TCTN2: variants seen among roughly 807,000 people sequenced by gnomAD.
The protein encoded by TCTN2 is tectonic-2.
In TCTN2, 66 loss-of-function variants were observed where a neutral mutation model predicts 83.4. That is an observed-to-expected ratio of 0.79 (90% CI 0.65 to 0.97). The LOEUF is 0.97. TCTN2 is among the 50% of genes least tolerant of loss of function. The pLI is 0.00. For missense variants in TCTN2, 794 were observed against 858.1 expected (o/e 0.93, Z 0.93); for synonymous variants, 301 against 326.7 (o/e 0.92, Z 0.85).
intron 9 of TCTN2, among the ~76,000 whole-genome samples, chr12:123,694,425 C>T (rs1250731786): frequency 1.3e-5 from 2 of 152,238 alleles, no homozygotes; most frequent in Non-Finnish European, 2.9e-5. Flanking sequence ...TGTTGTACTT[C>T]TCAAATTTAT....
At position 123,692,658 on chromosome 12, in the gene TCTN2, G is replaced by A. The variant is rs1343691538; in HGVS notation, c.1034G>A (p.Gly345Asp). 2 of 1,611,202 alleles carry A rather than the reference G, an allele frequency of 1.2e-6. No homozygotes were observed. The highest frequency in any genetic ancestry group is 1.7e-6 in the Non-Finnish European group (2 of 1,177,500). Residue 345 changes from glycine to aspartate, a missense_variant and splice_region_variant, in exon 9 of 18, where the codon GGC (glycine) becomes GAC (aspartate). Transcript: ENST00000303372. Reference sequence around the variant, plus strand: ...AAGTTAATTTATGTTATCTCTTTAGGCATAGTTACACCAAAAGTGATCTAT... The same window carrying A: ...AAGTTAATTTATGTTATCTCTTTAGACATAGTTACACCAAAAGTGATCTAT... ...NAKIKNVALG[G>D]IVTPKVIYEE...
At chr12:123,679,570 C>T (rs1272942777) in intron 5 of TCTN2, among the ~76,000 whole-genome samples, 1 of 151,704 alleles carries the variant, frequency 6.6e-6, no homozygotes, top group Non-Finnish European at 1.5e-5. Context: ...TGCCATGTTG[C>T]TCAGGCTGGT....
intron 4 of TCTN2, among the ~76,000 whole-genome samples, chr12:123,676,896 G>A (rs1160637436): frequency 1.3e-5 from 2 of 152,106 alleles, no homozygotes; most frequent in African/African-American, 4.8e-5. Context: ...CGTGGCTGGG[G>A]GTGGTGGCTC....
At chr12:123,687,956 T>TC (rs1381397379) in intron 6 of TCTN2, 95 bp from the exon 7 acceptor site, 34 of 1,516,368 alleles carry the variant, frequency 2.2e-5, no homozygotes, top group Non-Finnish European at 2.8e-5. Context: ...AGAGTGAGAC[T>TC]CCATCTCAGA....
intron 2 of TCTN2, among the ~76,000 whole-genome samples, 162 bp from the exon 3 acceptor site, chr12:123,671,894 G>A (rs932468706): frequency 2.6e-5 from 4 of 152,142 alleles, no homozygotes; most frequent in Admixed American, 6.5e-5. Flanking sequence ...TTTGACCAAG[G>A]AAGAAACAAG....
At chr12:123,704,831 G>T in intron 15 of TCTN2, 143 bp downstream of exon 15, 4 of 866,582 alleles carry the variant, frequency 4.6e-6, no homozygotes, top group Non-Finnish European at 5.6e-6. Context: ...ATGCACATAT[G>T]GAATATGTAC....
At chr12:123,679,358 C>CT in intron 5 of TCTN2, 69 bp downstream of exon 5, 2 of 1,388,080 alleles carry the variant, frequency 1.4e-6, no homozygotes, top group South Asian at 1.2e-5. Flanking sequence ...CCACCAACAG[C>CT]TTTTTTCATT....
Position 123,707,675 on chromosome 12 carries a change from A to G in TCTN2, c.2056A>G (p.Ser686Gly). The G allele has an allele frequency of 6.2e-7, 1 of 1,614,170 alleles. No homozygotes were observed. The highest frequency in any genetic ancestry group is 8.5e-7 in the Non-Finnish European group (1 of 1,180,018). Residue 686 changes from serine (S) to glycine (G), a missense_variant, in exon 18 of 18, where the codon AGC becomes GGC. Transcript: ENST00000303372. ...LLFLTLALFLSNPWTRICKAY... is the reference protein window; with the variant it reads ...LLFLTLALFLGNPWTRICKAY... ...GTTCCTCACATTGGCCTTGTTCCTCAGCAACCCCTGGACCAGAATATGCAA... is the reference window on the plus strand; with the variant it reads ...GTTCCTCACATTGGCCTTGTTCCTCGGCAACCCCTGGACCAGAATATGCAA...
At chr12:123,671,402 C>T (rs908423030) in intron 1 of TCTN2, 80 bp downstream of exon 1, 17 of 1,584,630 alleles carry the variant, frequency 1.1e-5, no homozygotes, top group East Asian at 4.5e-5. Flanking sequence ...TGGACTCCCC[C>T]GGGAGCTTCG....
At chr12:123,703,023 G>GT (rs1956189747) in intron 14 of TCTN2, among the ~76,000 whole-genome samples, 1 of 151,998 alleles carries the variant, frequency 6.6e-6, no homozygotes, top group Non-Finnish European at 1.5e-5. Context: ...ACCTTGCTGG[G>GT]TTTTCTCCAA....
In TCTN2 at chr12:123,706,754, T is replaced by C. The variant is rs746323956; in HGVS notation, c.1798T>C (p.Cys600Arg). 4 of 1,614,060 alleles carry C rather than the reference T, an allele frequency of 2.5e-6. No homozygotes were observed. The highest frequency in any genetic ancestry group is 3.4e-6 in the Non-Finnish European group (4 of 1,180,044). Residue 600 changes from cysteine to arginine, a missense_variant, in exon 16 of 18, where the codon TGT (cysteine) becomes CGT (arginine). By Grantham distance (180) the Cys-to-Arg change is radical. Coordinates refer to ENST00000303372, the MANE Select transcript of TCTN2 (RefSeq NM_024809.5). Reference protein sequence around the residue: ...RFSSVNWQYQCGLTCEHKADL... With the variant: ...RFSSVNWQYQRGLTCEHKADL... ...CTCCTCAGTGAACTGGCAGTACCAG[T>C]GTGGGCTTACCTGTGAGCACAAGGC...
chr12:123,694,682 T>A (rs1956086188), intron 9 of TCTN2, among the ~76,000 whole-genome samples, 160 bp from the exon 10 acceptor site: 1 of 152,132 alleles, frequency 6.6e-6, no homozygotes. Context: ...AGGGCAGGCT[T>A]CCTCAAGGAA....
chr12:123,703,835 A>G (rs1277798310), intron 14 of TCTN2, among the ~76,000 whole-genome samples: 1 of 152,114 alleles, frequency 6.6e-6, no homozygotes, highest in Non-Finnish European at 1.5e-5. Flanking sequence ...AGCTTTTACT[A>G]GAACTGTGAC....
At chr12:123,688,213 CTTT>C (rs58689399) in intron 7 of TCTN2, 36 bp downstream of exon 7, 5,814 of 1,317,992 alleles carry the variant, frequency 4.4e-3, no homozygotes, top group East Asian at 0.011. Context: ...AGACCGTTCT[CTTT>C]TTTTTTTTTT....
At position 123,686,838 on chromosome 12, in the gene TCTN2, A is replaced by G. The variant is rs536553754; in HGVS notation, c.567A>G (p.Glu189=). Residue 189 remains glutamate, a splice_region_variant and synonymous_variant, in exon 6 of 18, where the codon GAA becomes GAG. Transcript: ENST00000303372. ...ACDVRCCCDQ[E]CSSNLTTLFR... is the part of the protein sequence containing the mutation. ...CTGCCTTTATGTTTGTCTTCCAGGA[A>G]TGCTCATCAAATTTAACAACGCTGT... The G allele has an allele frequency of 6.2e-7, 1 of 1,614,200 alleles. No homozygotes were observed. The highest frequency in any genetic ancestry group is 1.3e-5 in the African/African-American group (1 of 75,056).
chr12:123,702,944 C>T (rs944781781), intron 14 of TCTN2, among the ~76,000 whole-genome samples: 14 of 152,280 alleles, frequency 9.2e-5, no homozygotes, highest in Admixed American at 3.3e-4. Flanking sequence ...TACTGACCTT[C>T]GGAATCCCTG....
intron 4 of TCTN2, 84 bp from the exon 5 acceptor site, chr12:123,679,105 A>C: frequency 7.7e-7 from 1 of 1,306,076 alleles, no homozygotes; most frequent in Non-Finnish European, 1.1e-6. Flanking sequence ...CCGATAATTC[A>C]GCTTTCTTTT....
chr12:123,692,249 T>C (rs1459036389), intron 8 of TCTN2, among the ~76,000 whole-genome samples: 1 of 152,088 alleles, frequency 6.6e-6, no homozygotes, highest in Non-Finnish European at 1.5e-5. Flanking sequence ...GGTTTCACCA[T>C]GTTGGCCAGA....
intron 15 of TCTN2, among the ~76,000 whole-genome samples, chr12:123,705,693 G>T (rs1165854156): frequency 6.6e-6 from 1 of 151,920 alleles, no homozygotes; most frequent in Non-Finnish European, 1.5e-5. Context: ...AGCAATCCAG[G>T]CTTATGTCAC....
Sources: gnomAD v4.1 joint callset for allele counts (sites outside exome capture counted in the v4.1 genomes callset) on GRCh38, gnomAD v4.1.1 for gene constraint, MANE v1.5 for transcripts, NCBI Gene and HGNC (gene_info 2026-07-23, HGNC 2026-07-21) for gene names.